THSD7A: variants seen among roughly 807,000 people sequenced by gnomAD.
THSD7A encodes thrombospondin type-1 domain-containing protein 7A.
In THSD7A, 96 loss-of-function variants were observed where a neutral mutation model predicts 231.3. The ratio of observed to expected loss-of-function variants is 0.41; its 90% CI spans 0.35 to 0.49. The LOEUF is 0.49. THSD7A is among the 20% of genes least tolerant of loss of function. THSD7A has a pLI of 0.05. For synonymous variants in THSD7A, 940 were observed against 743.3 expected, an observed-to-expected ratio of 1.26 and a Z score of -4.30; for missense variants, 2,290 against 2,070.2, an observed-to-expected ratio of 1.11 and a Z score of -2.06.
rs940146823 is a variant in THSD7A at position 11,417,716 on chromosome 7, G to A, written c.3384-113C>T. On this transcript the variant is annotated intron_variant, in intron 16 of 27. Coordinates refer to ENST00000423059, the MANE Select transcript of THSD7A (RefSeq NM_015204.3). ...GACAGATGGTTCTCCTTAAGACATCGTTATGGGGGTGGGGAGTAGGAAGCT... is the reference window on the plus strand; with the variant it reads ...GACAGATGGTTCTCCTTAAGACATCATTATGGGGGTGGGGAGTAGGAAGCT... 1.7e-5 allele frequency: 18 copies of A among 1,055,446 alleles called. No individual in the cohort carries two copies. The Admixed American group carries it at 1.9e-4, about 11-fold the overall frequency. 65.4% of individuals were successfully genotyped at this position (1,055,446 alleles called of 1,614,324 possible).
chr7:11,723,999 G>C lies in THSD7A; in HGVS notation c.191-87038C>G, dbSNP rs566337980. On this transcript the variant is annotated intron_variant, in intron 1 of 27. Coordinates refer to ENST00000423059, the MANE Select transcript of THSD7A (RefSeq NM_015204.3). ...AAGCAGTAAGGATGGAATCAAGGAA[G>C]TCCGTTAAAAGGCAATTGCAACAAC... Among the ~76,000 whole-genome samples the C allele has an allele frequency of 9.8e-4, 149 of 151,946 alleles. 4 individuals are homozygous for C. The highest frequency in any genetic ancestry group is 2.2e-4 in the Non-Finnish European group (15 of 67,902).
intron 1 of THSD7A, among the ~76,000 whole-genome samples, chr7:11,737,130 T>G (rs1337261799): frequency 6.6e-6 from 1 of 152,058 alleles, no homozygotes; most frequent in Non-Finnish European, 1.5e-5. Flanking sequence ...GTCTTGGGTA[T>G]GTCATTATTA....
chr7:11,427,951 G>C (rs554012077), intron 14 of THSD7A, among the ~76,000 whole-genome samples: 1 of 152,222 alleles, frequency 6.6e-6, no homozygotes, highest in East Asian at 1.9e-4. Flanking sequence ...AGACTCTTTA[G>C]AGTACTTTTT....
chr7:11,453,552 T>C (rs142233968), intron 11 of THSD7A, among the ~76,000 whole-genome samples: 6 of 152,106 alleles, frequency 3.9e-5, no homozygotes, highest in Admixed American at 3.3e-4. Flanking sequence ...CAGATGTTCC[T>C]TGGCAGGCAA....
intron 6 of THSD7A, among the ~76,000 whole-genome samples, chr7:11,536,572 A>G (rs1788924102): frequency 6.6e-6 from 1 of 152,194 alleles, no homozygotes; most frequent in African/African-American, 2.4e-5. Flanking sequence ...AGTCATGGTT[A>G]TAGGTACAAC....
chr7:11,567,521 C>T (rs919169397), intron 4 of THSD7A, among the ~76,000 whole-genome samples: 1 of 152,164 alleles, frequency 6.6e-6, no homozygotes, highest in African/African-American at 2.4e-5. Flanking sequence ...AATTTTATTG[C>T]TTTCTGCATT....
intron 6 of THSD7A, among the ~76,000 whole-genome samples, chr7:11,501,596 C>A (rs1787337974): frequency 6.6e-6 from 1 of 152,140 alleles, no homozygotes; most frequent in Non-Finnish European, 1.5e-5. Flanking sequence ...AACAAAGATA[C>A]AACATGCCAG....
chr7:11,577,900 G>C (rs1187500349), intron 4 of THSD7A, among the ~76,000 whole-genome samples: 1 of 152,010 alleles, frequency 6.6e-6, no homozygotes, highest in African/African-American at 2.4e-5. Flanking sequence ...GAATCACAAA[G>C]GAAAGGAAGC....
At chr7:11,807,511 A>G (rs1332133027) in intron 1 of THSD7A, among the ~76,000 whole-genome samples, 1 of 152,178 alleles carries the variant, frequency 6.6e-6, no homozygotes, top group Admixed American at 6.6e-5. Flanking sequence ...ATTATAAAAC[A>G]AATTATTGAT....
At chr7:11,427,225 A>G (rs562354936) in intron 14 of THSD7A, among the ~76,000 whole-genome samples, 1 of 152,352 alleles carries the variant, frequency 6.6e-6, no homozygotes, top group Non-Finnish European at 1.5e-5. Flanking sequence ...GTGATTTACA[A>G]TTTTCAACAT....
chr7:11,532,390 A>C (rs915213827), intron 6 of THSD7A, among the ~76,000 whole-genome samples: 7 of 152,210 alleles, frequency 4.6e-5, no homozygotes, highest in African/African-American at 1.7e-4. Context: ...ATGCTGCTTT[A>C]AGAAATCTAA....
chr7:11,830,561 A>C (rs1164465061), intron 1 of THSD7A, among the ~76,000 whole-genome samples: 1 of 152,230 alleles, frequency 6.6e-6, no homozygotes, highest in African/African-American at 2.4e-5. Flanking sequence ...CTTGCTTTTT[A>C]AAATGTGTAT....
In THSD7A at chr7:11,446,229, C is replaced by A. The variant is rs992728790; in HGVS notation, c.2896G>T (p.Val966Leu). 5.6e-6 allele frequency: 9 copies of A among 1,613,542 alleles called. No individual in the cohort carries two copies. Among genetic ancestry groups the A allele is most frequent in the Non-Finnish European group, 7.6e-6 (9 of 1,179,642 alleles). Reference sequence around the variant, plus strand: ...AAAATACAGTCTGACCAGTTCCCCACAGGTTGTGCATTATATTTGTCACAA... The same window carrying A: ...AAAATACAGTCTGACCAGTTCCCCAAAGGTTGTGCATTATATTTGTCACAA... ...CPCDKYNAQP[V>L]GNWSDCILPE... is the part of the protein sequence containing the mutation. Residue 966 changes from valine (V) to leucine (L), a missense_variant, in exon 13 of 28, where the codon GTG becomes TTG. Val to Leu is a conservative substitution (Grantham distance 32, BLOSUM62 1). Coordinates refer to ENST00000423059, the MANE Select transcript of THSD7A (RefSeq NM_015204.3). This position sits in a 1 kb window ranked among gnomAD's most constrained non-coding sequence, Gnocchi z 4.0.
chr7:11,589,321 A>G (rs1780057650), intron 4 of THSD7A, among the ~76,000 whole-genome samples: 1 of 151,942 alleles, frequency 6.6e-6, no homozygotes, highest in Non-Finnish European at 1.5e-5. Context: ...GGTGAGATTT[A>G]CCCTTGGTTT....
At chr7:11,687,386 C>G (rs60116974) in intron 1 of THSD7A, among the ~76,000 whole-genome samples, 1 of 151,850 alleles carries the variant, frequency 6.6e-6, no homozygotes, top group Non-Finnish European at 1.5e-5. Flanking sequence ...CATTAGTCAT[C>G]TATGGGTTGA....
chr7:11,486,283 A>G (rs1479347413), intron 6 of THSD7A, among the ~76,000 whole-genome samples: 2 of 152,186 alleles, frequency 1.3e-5, no homozygotes. Context: ...ATTGGATAAG[A>G]ACTGTTTTGC....
At chr7:11,467,968 A>G (rs1253817167) in intron 9 of THSD7A, among the ~76,000 whole-genome samples, 1 of 152,036 alleles carries the variant, frequency 6.6e-6, no homozygotes, top group Non-Finnish European at 1.5e-5. Flanking sequence ...CAATTTAATA[A>G]AATATTTTCT....
chr7:11,626,776 TTTTCTCA>T (rs1321209399), intron 2 of THSD7A, among the ~76,000 whole-genome samples: 2 of 152,086 alleles, frequency 1.3e-5, no homozygotes, highest in Admixed American at 1.3e-4. Flanking sequence ...TAATGGTATA[TTTTCTCA>T]TTTATAAAGA....
At chr7:11,506,856 A>T (rs1411361476) in intron 6 of THSD7A, among the ~76,000 whole-genome samples, 1 of 150,294 alleles carries the variant, frequency 6.7e-6, no homozygotes, top group Non-Finnish European at 1.5e-5. Flanking sequence ...CCCACCTGTC[A>T]CTCTCCATCA....
Sources: allele counts gnomAD v4.1 joint callset (sites outside exome capture counted in the v4.1 genomes callset), GRCh38; gene constraint gnomAD v4.1.1; non-coding constraint Gnocchi (gnomAD v3.1); transcripts MANE v1.5; gene names NCBI Gene and HGNC (gene_info 2026-07-23, HGNC 2026-07-21).